The following ZNRF1 variants were observed in gnomAD, a reference collection of about 807,000 sequenced individuals.
ZNRF1 encodes zinc and ring finger 1.
ZNRF1 carries 3 observed loss-of-function variants against 18.4 expected under a neutral mutation model. That is an observed-to-expected ratio of 0.16 (90% CI 0.07 to 0.42). The LOEUF (loss-of-function observed/expected upper bound fraction) is 0.42. Ranked by LOEUF, ZNRF1 falls within the 10% of genes least tolerant of loss-of-function variation. The pLI, the probability that ZNRF1 is intolerant of heterozygous loss-of-function variation, is 0.99. For missense variants in ZNRF1, 310 were observed against 329.8 expected (o/e 0.94, Z 0.47); for synonymous variants, 157 against 144.2 (o/e 1.09, Z -0.64).
intron 1 of ZNRF1, among the ~76,000 whole-genome samples, chr16:75,056,107 G>C (rs1229619342): frequency 2.6e-5 from 4 of 152,208 alleles, no homozygotes; most frequent in African/African-American, 4.8e-5. Context: ...GGTCAGTTCT[G>C]CAGGTGCCTC....
intron 1 of ZNRF1, among the ~76,000 whole-genome samples, chr16:75,047,222 GT>G (rs2035527184): frequency 6.6e-6 from 1 of 152,164 alleles, no homozygotes; most frequent in Admixed American, 6.5e-5. Flanking sequence ...ACTCAGGCTG[GT>G]GTGCAGCGGC....
chr16:75,030,183 A>G (rs1464521853), intron 1 of ZNRF1, among the ~76,000 whole-genome samples: 2 of 152,188 alleles, frequency 1.3e-5, no homozygotes, highest in African/African-American at 4.8e-5. Flanking sequence ...CCATCACCAC[A>G]TTTACCATAC....
chr16:75,099,408 G>T (rs2036232046), intron 2 of ZNRF1, among the ~76,000 whole-genome samples: 2 of 152,010 alleles, frequency 1.3e-5, no homozygotes, highest in Non-Finnish European at 2.9e-5. Context: ...GCCCATCACA[G>T]GCATCATCCC....
chr16:75,110,241 G>C lies in ZNRF1; in HGVS notation c.*2541G>C, dbSNP rs2036366916. On this transcript the variant is annotated 3_prime_UTR_variant, in exon 5 of 5. Coordinates refer to ENST00000335325, the MANE Select transcript of ZNRF1 (RefSeq NM_032268.5). The stretch of plus-strand genomic sequence containing the variant: ...TGCTCTTGTTGTGGGGGTGGGATTG[G>C]GGCTGTCTGTGTTTCCCAGGTGGAG... 1 of 152,412 alleles carries C rather than the reference G, an allele frequency of 6.6e-6. No homozygotes were observed. The highest frequency in any genetic ancestry group is 2.1e-4 in the South Asian group (1 of 4,832). 9.4% of individuals were successfully genotyped at this position (152,412 alleles called of 1,614,324 possible). A position where few individuals can be genotyped will look rare whatever the true frequency, so the allele number is the denominator to read the frequency against.
intron 1 of ZNRF1, among the ~76,000 whole-genome samples, chr16:75,003,256 C>A (rs1309803071): frequency 6.6e-6 from 1 of 152,220 alleles, no homozygotes; most frequent in East Asian, 1.9e-4. Flanking sequence ...GCCACTGCGC[C>A]CTGCACCTTA....
chr16:75,093,746 G>C, intron 2 of ZNRF1, 79 bp downstream of exon 2: 5 of 1,204,248 alleles, frequency 4.2e-6, no homozygotes, highest in Non-Finnish European at 6.1e-6. Context: ...GCCTCCAGTC[G>C]AGGGTGGTTC....
intron 1 of ZNRF1, among the ~76,000 whole-genome samples, chr16:75,065,560 A>G (rs533166126): frequency 6.6e-6 from 1 of 152,326 alleles, no homozygotes; most frequent in African/African-American, 2.4e-5. Flanking sequence ...AAAATGAAAC[A>G]ATATAGAAAG....
At chr16:75,035,852 A>C (rs1057419156) in intron 1 of ZNRF1, among the ~76,000 whole-genome samples, 1 of 152,166 alleles carries the variant, frequency 6.6e-6, no homozygotes, top group African/African-American at 2.4e-5. Context: ...GTGTTCCTAG[A>C]GAAAGGTCAT....
chr16:75,013,878 A>AG (rs1308717575), intron 1 of ZNRF1, among the ~76,000 whole-genome samples: 1 of 151,156 alleles, frequency 6.6e-6, no homozygotes, highest in East Asian at 2.0e-4. Flanking sequence ...CGCCCAGGCT[A>AG]GGGGGCAGTG....
At chr16:75,052,233 T>C (rs2145375824) in intron 1 of ZNRF1, among the ~76,000 whole-genome samples, 1 of 152,098 alleles carries the variant, frequency 6.6e-6, no homozygotes, top group East Asian at 1.9e-4. Context: ...ACCCCATCTC[T>C]ACCAAAAATA....
chr16:75,083,974 T>C (rs2036045080), intron 1 of ZNRF1, among the ~76,000 whole-genome samples: 1 of 152,204 alleles, frequency 6.6e-6, no homozygotes, highest in Admixed American at 6.5e-5. Flanking sequence ...GCTCGGCACA[T>C]TGATTTCTTC....
intron 1 of ZNRF1, among the ~76,000 whole-genome samples, chr16:75,078,296 C>CTTTTTTTT (rs36075131): frequency 8.8e-6 from 1 of 113,124 alleles, no homozygotes; most frequent in Non-Finnish European, 1.8e-5. Flanking sequence ...TCTTTCTTTC[C>CTTTTTTTT]TTTTTTTTTT....
Position 75,085,187 on chromosome 16 carries a change from A to G in ZNRF1, c.425-8385A>G, listed in dbSNP as rs564929368. Among the ~76,000 whole-genome samples the G allele has an allele frequency of 5.3e-5, 8 of 152,300 alleles. 1 individual carries two copies. The South Asian group carries it at 1.0e-3, about 20-fold the overall frequency. On this transcript the variant is annotated intron_variant, in intron 1 of 4. Transcript: ENST00000335325. The stretch of plus-strand genomic sequence containing the variant: ...CAGAAGGTTCTCTCATTACCTTCTC[A>G]GTGAATCTCTGCCCCCACCCTAACC...
chr16:75,028,396 T>A (rs2035254223), intron 1 of ZNRF1, among the ~76,000 whole-genome samples: 1 of 152,152 alleles, frequency 6.6e-6, no homozygotes, highest in African/African-American at 2.4e-5. Flanking sequence ...TGGGTTCAAG[T>A]GATTCTCCTG....
At chr16:75,021,562 GTTT>G (rs1416376462) in intron 1 of ZNRF1, among the ~76,000 whole-genome samples, 1 of 152,124 alleles carries the variant, frequency 6.6e-6, no homozygotes, top group Non-Finnish European at 1.5e-5. Context: ...ACCTAAAAGT[GTTT>G]TTATTTGTCA....
At chr16:75,096,061 C>CATGTGTGTGTGTGTGTGT in intron 2 of ZNRF1, among the ~76,000 whole-genome samples, 1 of 139,750 alleles carries the variant, frequency 7.2e-6, no homozygotes, top group Non-Finnish European at 1.6e-5. Flanking sequence ...TATGTGTGCA[C>CATGTGTGTGTGTGTGTGT]GTGTGTGTGT....
In ZNRF1 at chr16:75,011,374, C is replaced by T. The variant is rs569216760; in HGVS notation, c.424+11279C>T. On this transcript the variant is annotated intron_variant, in intron 1 of 4. Coordinates refer to ENST00000335325, the MANE Select transcript of ZNRF1 (RefSeq NM_032268.5). ...TATAACAGCATTTAAGTCAGCTTTT[C>T]GAAGAAACTTTTATTTTTTAACTAA... Among the ~76,000 whole-genome samples the T allele has an allele frequency of 2.5e-4, 38 of 152,216 alleles. 1 individual carries two copies. The South Asian group carries it at 7.5e-3, about 30-fold the overall frequency.
chr16:75,052,588 T>C (rs1225003431), intron 1 of ZNRF1, among the ~76,000 whole-genome samples: 1 of 152,092 alleles, frequency 6.6e-6, no homozygotes, highest in East Asian at 1.9e-4. Flanking sequence ...AGCAGGCTTG[T>C]TTAAGGTGAG....
At chr16:75,089,886 A>G (rs1450676497) in intron 1 of ZNRF1, among the ~76,000 whole-genome samples, 1 of 152,196 alleles carries the variant, frequency 6.6e-6, no homozygotes, top group Non-Finnish European at 1.5e-5. Context: ...AGGGGAGTAA[A>G]TGATGCTATT....
Sources: allele counts gnomAD v4.1 joint callset (sites outside exome capture counted in the v4.1 genomes callset), GRCh38; gene constraint gnomAD v4.1.1; transcripts MANE v1.5; gene names NCBI Gene and HGNC (gene_info 2026-07-23, HGNC 2026-07-21).